CDH23: variants seen among roughly 807,000 people sequenced by gnomAD.
CDH23 encodes the protein cadherin related 23.
A neutral mutation model predicts 317.1 loss-of-function variants in CDH23; 189 were observed. The observed-to-expected ratio is 0.60, with a 90% confidence interval of 0.53 to 0.67. The LOEUF (loss-of-function observed/expected upper bound fraction) is 0.67. CDH23 is among the 30% of genes least tolerant of loss of function. The pLI is 0.00. For missense variants in CDH23, 4,401 were observed against 4,592.4 expected (o/e 0.96, Z 1.20); for synonymous variants, 1,839 against 1,876.8 (o/e 0.98, Z 0.52).
intron 3 of CDH23, among the ~76,000 whole-genome samples, chr10:71,501,489 G>A (rs1564618794): frequency 1.3e-5 from 2 of 152,152 alleles, no homozygotes; most frequent in African/African-American, 2.4e-5. Context: ...CCTAGAGGCC[G>A]CCTGCCTCTC....
At chr10:71,529,646 G>C (rs764204073) in intron 6 of CDH23, among the ~76,000 whole-genome samples, 1 of 152,096 alleles carries the variant, frequency 6.6e-6, no homozygotes, top group Non-Finnish European at 1.5e-5. Context: ...TCCAATCTCA[G>C]AACATCTAGC....
chr10:71,551,066 G>A (rs1030932823), intron 6 of CDH23, among the ~76,000 whole-genome samples: 4 of 152,198 alleles, frequency 2.6e-5, no homozygotes, highest in Non-Finnish European at 5.9e-5. Flanking sequence ...GGGTCCCACT[G>A]TTACAGATTT....
intron 6 of CDH23, among the ~76,000 whole-genome samples, chr10:71,559,497 G>A (rs551908630): frequency 2.6e-5 from 4 of 152,318 alleles, no homozygotes; most frequent in South Asian, 2.1e-4. Flanking sequence ...GGGAGGTCTC[G>A]TATGGCTGCA....
chr10:71,784,568 A>C (rs1589419719), intron 42 of CDH23, 148 bp downstream of exon 42: 2 of 1,046,278 alleles, frequency 1.9e-6, no homozygotes, highest in Non-Finnish European at 2.7e-6. Context: ...CCCTTAATAG[A>C]CCTCTCGCCA....
At chr10:71,532,737 T>TTTTTTTTTTG (rs1855470950) in intron 6 of CDH23, among the ~76,000 whole-genome samples, 1 of 86,222 alleles carries the variant, frequency 1.2e-5, no homozygotes, top group Non-Finnish European at 2.3e-5. Context: ...GTTTTTTTTT[T>TTTTTTTTTTG]TTTTTTTTTT....
intron 55 of CDH23, 121 bp downstream of exon 55, chr10:71,803,541 G>GA (rs940520488): frequency 8.9e-3 from 6,618 of 739,760 alleles, no homozygotes; most frequent in Middle Eastern, 0.011. Flanking sequence ...GTAGCTCCAG[G>GA]AAAAAAAAAA....
Position 71,512,348 on chromosome 10 carries a change from C to T in CDH23, c.429+1136C>T, listed in dbSNP as rs541267626. On this transcript the variant is annotated intron_variant, in intron 6 of 69. Coordinates refer to ENST00000224721, the MANE Select transcript of CDH23 (RefSeq NM_022124.6). ...GATGCAGCGGAGGCACCATGCACTTCGCCTGCCTGGGGCGGGAGAGAACTG... is the reference window on the plus strand; with the variant it reads ...GATGCAGCGGAGGCACCATGCACTTTGCCTGCCTGGGGCGGGAGAGAACTG... 3.8e-3 allele frequency: 578 copies of T among 152,376 alleles called. 3 individuals carry two copies. The highest frequency in any genetic ancestry group is 7.3e-3 in the Non-Finnish European group (495 of 68,062). 9.4% of individuals were successfully genotyped at this position (152,376 alleles called of 1,614,324 possible).
intron 27 of CDH23, 60 bp downstream of exon 27, chr10:71,709,271 C>A: frequency 2.0e-6 from 3 of 1,470,154 alleles, no homozygotes; most frequent in Non-Finnish European, 2.8e-6. Flanking sequence ...CACAGGGTGC[C>A]TCCCAGGAGC....
At chr10:71,492,425 A>C (rs1564613845) in intron 3 of CDH23, among the ~76,000 whole-genome samples, 1 of 152,154 alleles carries the variant, frequency 6.6e-6, no homozygotes, top group African/African-American at 2.4e-5. Context: ...AAGAACATCC[A>C]TCCCAATTAG....
chr10:71,442,204 G>A (rs537487553), intron 2 of CDH23, among the ~76,000 whole-genome samples: 31 of 152,332 alleles, frequency 2.0e-4, no homozygotes, highest in African/African-American at 6.7e-4. Flanking sequence ...ATGCCAAAGC[G>A]TGTATGGTCG....
intron 3 of CDH23, among the ~76,000 whole-genome samples, chr10:71,452,502 G>T (rs998419770): frequency 9.2e-5 from 14 of 152,042 alleles, no homozygotes; most frequent in Non-Finnish European, 7.4e-5. Context: ...TTGGCCAGGG[G>T]TGCCCTTTCC....
intron 6 of CDH23, among the ~76,000 whole-genome samples, chr10:71,564,283 G>A (rs1048302279): frequency 6.6e-6 from 1 of 152,172 alleles, no homozygotes; most frequent in African/African-American, 2.4e-5. Context: ...GCTGATGAGC[G>A]CCCCTCCTTC....
intron 38 of CDH23, among the ~76,000 whole-genome samples, chr10:71,759,561 G>A (rs952410977): frequency 3.3e-5 from 5 of 150,988 alleles, no homozygotes; most frequent in Admixed American, 6.6e-5. Flanking sequence ...TGTAATCCCA[G>A]CACTTTGGGA....
At chr10:71,429,474 G>A (rs1849265388) in intron 1 of CDH23, among the ~76,000 whole-genome samples, 1 of 152,188 alleles carries the variant, frequency 6.6e-6, no homozygotes, top group Admixed American at 6.5e-5. Context: ...CCGCATGGGT[G>A]TGGACACATC....
At chr10:71,621,551 C>T (rs1861466744) in intron 11 of CDH23, among the ~76,000 whole-genome samples, 2 of 152,154 alleles carry the variant, frequency 1.3e-5, no homozygotes, top group African/African-American at 2.4e-5. Context: ...CAAGTATCAG[C>T]GAGATGGCCC....
intron 2 of CDH23, 58 bp downstream of exon 2, chr10:71,439,956 C>T: frequency 7.3e-7 from 1 of 1,377,814 alleles, no homozygotes; most frequent in South Asian, 1.2e-5. Context: ...GGAGGCCAGG[C>T]TGGAGGGTGT....
intron 22 of CDH23, 119 bp from the exon 23 acceptor site, chr10:71,701,903 G>A: frequency 9.3e-7 from 1 of 1,080,656 alleles, no homozygotes; most frequent in Non-Finnish European, 1.3e-6. Flanking sequence ...CCACTTCCTG[G>A]GCCAGAGCCA....
intron 14 of CDH23, among the ~76,000 whole-genome samples, chr10:71,670,732 TGAAG>T (rs1157468507): frequency 6.6e-6 from 1 of 152,138 alleles, no homozygotes; most frequent in Non-Finnish European, 1.5e-5. Context: ...AGGGAGCCAT[TGAAG>T]GATTTTGGGC....
intron 30 of CDH23, among the ~76,000 whole-genome samples, chr10:71,727,163 A>G (rs561481528): frequency 6.6e-6 from 1 of 152,354 alleles, no homozygotes; most frequent in African/African-American, 2.4e-5. Flanking sequence ...GGCACTGTTA[A>G]TACCCCCATC....
Sources: allele counts gnomAD v4.1 joint callset (sites outside exome capture counted in the v4.1 genomes callset), GRCh38; gene constraint gnomAD v4.1.1; transcripts MANE v1.5; gene names NCBI Gene and HGNC (gene_info 2026-07-23, HGNC 2026-07-21).